Variants in INTS9 observed in about 807,000 individuals in gnomAD.
INTS9 encodes protein related to CPSF subunits of 74 kDa.
Under a neutral mutation model 79.7 loss-of-function variants are expected in INTS9, and 55 were observed. That is an observed-to-expected ratio of 0.69 (90% CI 0.56 to 0.86). The LOEUF (loss-of-function observed/expected upper bound fraction) is 0.86. Ranked by LOEUF, INTS9 falls within the 40% of genes least tolerant of loss-of-function variation. INTS9 has a pLI of 0.00. For synonymous variants in INTS9, 319 were observed against 325.2 expected (o/e 0.98, Z 0.20); for missense variants, 721 against 831.5 (o/e 0.87, Z 1.64).
chr8:28,849,147 T>A (rs1269594632), intron 3 of INTS9, among the ~76,000 whole-genome samples: 2 of 152,208 alleles, frequency 1.3e-5, no homozygotes, highest in Non-Finnish European at 2.9e-5. Flanking sequence ...ATGTTAAGCA[T>A]CTTTAAACTC....
At chr8:28,867,324 C>T (rs1808810870) in intron 1 of INTS9, among the ~76,000 whole-genome samples, 1 of 152,080 alleles carries the variant, frequency 6.6e-6, no homozygotes, top group Non-Finnish European at 1.5e-5. Flanking sequence ...GAAGCTGAGG[C>T]AGGAGAATCG....
chr8:28,859,314 C>T (rs1585488621), intron 2 of INTS9, 122 bp downstream of exon 2: 3 of 1,104,404 alleles, frequency 2.7e-6, no homozygotes, highest in Non-Finnish European at 3.9e-6. Context: ...TGATAAAGAA[C>T]ATTTTTAAGG....
chr8:28,838,519 G>A (rs1214590822), intron 4 of INTS9, among the ~76,000 whole-genome samples: 2 of 152,132 alleles, frequency 1.3e-5, no homozygotes, highest in African/African-American at 2.4e-5. Flanking sequence ...AATCTGTCAA[G>A]ACGCAATTCT....
chr8:28,806,425 A>G (rs1422890750), intron 8 of INTS9, among the ~76,000 whole-genome samples: 1 of 152,256 alleles, frequency 6.6e-6, no homozygotes, highest in Non-Finnish European at 1.5e-5. Context: ...TAAAAAAGTA[A>G]AAATTGGCAA....
intron 6 of INTS9, among the ~76,000 whole-genome samples, chr8:28,834,161 T>C (rs535332158): frequency 1.7e-4 from 26 of 152,322 alleles, no homozygotes; most frequent in Non-Finnish European, 2.9e-4. Flanking sequence ...AGAAATTCAT[T>C]TGAAGTTAGA....
At chr8:28,784,302 T>C (rs1803462935) in intron 11 of INTS9, among the ~76,000 whole-genome samples, 1 of 152,124 alleles carries the variant, frequency 6.6e-6, no homozygotes, top group African/African-American at 2.4e-5. Context: ...GAAAACAAGC[T>C]CTACAGCAAG....
chr8:28,775,793 T>C lies in INTS9; in HGVS notation c.1529A>G (p.Lys510Arg), dbSNP rs373683663. Residue 510 changes from lysine to arginine, a missense_variant, in exon 14 of 17, where the codon AAA becomes AGA. Physicochemically the swap from Lys to Arg is conservative, Grantham distance 26 (BLOSUM62 2). Transcript: ENST00000521022. ...GATCTCGATCTTCTCGTACCGACGTTTGAAGGGCAGGGCGAGAACCTCAGC... is the reference window on the plus strand; with the variant it reads ...GATCTCGATCTTCTCGTACCGACGTCTGAAGGGCAGGGCGAGAACCTCAGC... ...RRAEVLALPFKRRYEKIEIMP... is the reference protein window; with the variant it reads ...RRAEVLALPFRRRYEKIEIMP... The C allele has an allele frequency of 4.6e-5, 74 of 1,613,890 alleles. No individual in the cohort carries two copies. The highest frequency in any genetic ancestry group is 5.7e-5 in the Non-Finnish European group (67 of 1,179,996).
intron 6 of INTS9, 93 bp from the exon 7 acceptor site, chr8:28,813,705 G>C: frequency 7.2e-7 from 1 of 1,387,804 alleles, no homozygotes; most frequent in Non-Finnish European, 1.0e-6. Flanking sequence ...GATCCAAATG[G>C]TTTAATTTAC....
intron 1 of INTS9, among the ~76,000 whole-genome samples, chr8:28,875,486 C>CT (rs886444992): frequency 5.3e-5 from 8 of 151,540 alleles, no homozygotes; most frequent in Non-Finnish European, 7.4e-5. Context: ...TGGCATTCAT[C>CT]TTTTTTTTTC....
At chr8:28,840,228 A>C (rs1433184835) in intron 4 of INTS9, among the ~76,000 whole-genome samples, 1 of 151,708 alleles carries the variant, frequency 6.6e-6, no homozygotes, top group Non-Finnish European at 1.5e-5. Context: ...AATGCAAATG[A>C]AAACCACAAT....
chr8:28,880,875 C>T (rs1323454556), intron 1 of INTS9, among the ~76,000 whole-genome samples: 1 of 146,068 alleles, frequency 6.8e-6, no homozygotes, highest in Admixed American at 6.7e-5. Flanking sequence ...GGCCGCCCAT[C>T]GTCTGAGATG....
At chr8:28,841,618 G>C (rs1321839839) in intron 4 of INTS9, among the ~76,000 whole-genome samples, 2 of 152,026 alleles carry the variant, frequency 1.3e-5, no homozygotes, top group African/African-American at 4.8e-5. Context: ...AGGGGTCAGG[G>C]GTGCTGACCC....
rs147304762 is a variant in INTS9 at position 28,806,843 on chromosome 8, G to A, written c.744+5484C>T. Among the ~76,000 whole-genome samples the A allele has an allele frequency of 8.3e-3, 1,263 of 152,188 alleles. 11 individuals carry two copies. Among genetic ancestry groups the A allele is most frequent in the African/African-American group, 0.029 (1,206 of 41,532 alleles). ...ACTTAGAGATGAATGACAAAGCACTGAGTATCAAAAATGTAACAGAGTAAA... is the reference window on the plus strand; with the variant it reads ...ACTTAGAGATGAATGACAAAGCACTAAGTATCAAAAATGTAACAGAGTAAA... On this transcript the variant is annotated intron_variant, in intron 8 of 16. Coordinates refer to ENST00000521022, the MANE Select transcript of INTS9 (RefSeq NM_018250.4).
chr8:28,857,577 G>A (rs912320805), intron 2 of INTS9, among the ~76,000 whole-genome samples: 5 of 152,124 alleles, frequency 3.3e-5, no homozygotes, highest in Non-Finnish European at 7.3e-5. Context: ...AAAAGTCCAA[G>A]ACAAACCAAA....
chr8:28,826,148 T>C (rs1806127959), intron 6 of INTS9, among the ~76,000 whole-genome samples: 2 of 152,212 alleles, frequency 1.3e-5, no homozygotes, highest in Non-Finnish European at 2.9e-5. Flanking sequence ...AATATGCCTT[T>C]TGTTTTGTAT....
At chr8:28,782,348 A>C (rs1481693355) in intron 11 of INTS9, among the ~76,000 whole-genome samples, 4 of 152,228 alleles carry the variant, frequency 2.6e-5, no homozygotes, top group African/African-American at 4.8e-5. Context: ...GACAGTAACC[A>C]CATTCGTCAC....
chr8:28,777,914 T>C lies in INTS9; in HGVS notation c.1310A>G (p.Gln437Arg), dbSNP rs1443747007. The change falls in exon 13 of 17, where the codon CAG becomes CGG. Residue 437 changes from glutamine (Q) to arginine (R), a missense_variant. Around this residue, in one of 3 missense-constraint regions of INTS9, gnomAD observed 281 missense variants for 300.8 expected, o/e 0.93. Transcript: ENST00000521022. ...GTAGATGCATTTCATGGCCAGCGGC[T>C]GGTAAGGAGCCAGGGCTTCCAGGTA... ...FSYLEALAPYQPLAMKCIYCP... is the reference protein window; with the variant it reads ...FSYLEALAPYRPLAMKCIYCP... 2.5e-6 allele frequency: 4 copies of C among 1,612,642 alleles called. No homozygotes were observed. Among genetic ancestry groups the C allele is most frequent in the Non-Finnish European group, 3.4e-6 (4 of 1,179,358 alleles).
intron 6 of INTS9, among the ~76,000 whole-genome samples, chr8:28,830,080 G>A (rs1806389813): frequency 6.6e-6 from 1 of 151,642 alleles, no homozygotes; most frequent in Non-Finnish European, 1.5e-5. Context: ...AAAACATACA[G>A]AGAAGACAGA....
chr8:28,878,850 G>A (rs1460162464), intron 1 of INTS9, among the ~76,000 whole-genome samples: 1 of 151,860 alleles, frequency 6.6e-6, no homozygotes, highest in Non-Finnish European at 1.5e-5. Flanking sequence ...TGTGGTGGCA[G>A]GTACCTGTAG....
Sources: gnomAD v4.1 joint callset for allele counts (sites outside exome capture counted in the v4.1 genomes callset) on GRCh38, gnomAD v4.1.1 for gene constraint, gnomAD v4.1.1 regional missense constraint, MANE v1.5 for transcripts, NCBI Gene and HGNC (gene_info 2026-07-23, HGNC 2026-07-21) for gene names.